Variants in ITIH5 observed in about 807,000 individuals in gnomAD.
The protein encoded by ITIH5 is inter-alpha-trypsin inhibitor heavy chain H5.
Under a neutral mutation model 77.5 loss-of-function variants are expected in ITIH5, and 65 were observed. The observed-to-expected ratio is 0.84, with a 90% CI of 0.69 to 1.03. The LOEUF (loss-of-function observed/expected upper bound fraction) is 1.03. ITIH5 is among the 50% of genes least tolerant of loss of function. The pLI is 0.00. For missense variants in ITIH5, 1,208 were observed against 1,213.1 expected (o/e 1.00, Z 0.06); for synonymous variants, 525 against 494.3 (o/e 1.06, Z -0.82).
intron 13 of ITIH5, 91 bp downstream of exon 13, chr10:7,565,939 A>C: frequency 2.0e-6 from 3 of 1,502,246 alleles, no homozygotes; most frequent in Non-Finnish European, 2.7e-6. Flanking sequence ...TGAATTTCTC[A>C]ATCAAACGAA....
intron 11 of ITIH5, chr10:7,572,440 C>T: frequency 1.5e-6 from 2 of 1,348,250 alleles, no homozygotes; most frequent in Non-Finnish European, 2.0e-6. Context: ...CCTGTCACAC[C>T]AGACATTTTT....
chr10:7,664,866 A>G (rs1367377035), intron 1 of ITIH5, among the ~76,000 whole-genome samples: 1 of 152,230 alleles, frequency 6.6e-6, no homozygotes, highest in African/African-American at 2.4e-5. Flanking sequence ...AAGTATATTA[A>G]TTGTTTCACT....
In ITIH5 at chr10:7,637,315, C is replaced by T. The variant is rs370984439; in HGVS notation, c.565G>A (p.Val189Met). The T allele has an allele frequency of 2.4e-5, 39 of 1,613,848 alleles. No individual in the cohort carries two copies. The highest frequency in any genetic ancestry group is 3.1e-5 in the Non-Finnish European group (36 of 1,180,038). Residue 189 changes from valine (V) to methionine (M), a missense_variant, in exon 5 of 14, where the codon GTG (valine) becomes ATG (methionine). Physicochemically the swap from Val to Met is conservative, Grantham distance 21 (BLOSUM62 1). Transcript: ENST00000397146. ...ATGCCCGCGCTCTCCAGGATATTCA[C>T]GTCCACGCTCAGCCTCCCGGACAGC... Reference protein sequence around the residue: ...QQLSGRLSVDVNILESAGIAS... With the variant: ...QQLSGRLSVDMNILESAGIAS...
intron 5 of ITIH5, among the ~76,000 whole-genome samples, chr10:7,629,979 T>C (rs1833687064): frequency 6.6e-6 from 1 of 152,222 alleles, no homozygotes; most frequent in African/African-American, 2.4e-5. Flanking sequence ...TTGGGGGGGC[T>C]ACGGAGCTGT....
intron 2 of ITIH5, among the ~76,000 whole-genome samples, chr10:7,654,278 A>G (rs763931196): frequency 1.3e-5 from 2 of 152,222 alleles, no homozygotes; most frequent in Non-Finnish European, 2.9e-5. Flanking sequence ...GGCACTTGTC[A>G]TCATCTCAAT....
At position 7,613,264 on chromosome 10, in the gene ITIH5, A is replaced by T. The variant is rs1020948563; in HGVS notation, c.939+2718T>A. Among the ~76,000 whole-genome samples the T allele has an allele frequency of 1.4e-4, 13 of 92,036 alleles. No individual in the cohort carries two copies. In the East Asian group the frequency reaches 2.1e-3, roughly 15 times the overall value. 60.4% of individuals were successfully genotyped at this position (92,036 alleles called of 152,430 possible). A position where few individuals can be genotyped will look rare whatever the true frequency, so the allele number is the denominator to read the frequency against. ...TCGTCTCAAAAAAAAAAAAAAAAAA[A>T]AAAAAAGAACTTGTAGCCCATAATG... On this transcript the variant is annotated intron_variant, in intron 7 of 13. Coordinates refer to ENST00000397146, the MANE Select transcript of ITIH5 (RefSeq NM_030569.7).
chr10:7,652,720 A>G (rs1834121274), intron 2 of ITIH5, among the ~76,000 whole-genome samples: 1 of 152,192 alleles, frequency 6.6e-6, no homozygotes, highest in African/African-American at 2.4e-5. Flanking sequence ...CTTATTACTT[A>G]GGAACTGAGC....
intron 7 of ITIH5, among the ~76,000 whole-genome samples, chr10:7,596,494 T>C (rs1042838829): frequency 6.6e-6 from 1 of 152,186 alleles, no homozygotes; most frequent in Non-Finnish European, 1.5e-5. Context: ...CAAAAGGCTC[T>C]TGTGCCACAA....
chr10:7,629,495 G>A (rs530544113), intron 5 of ITIH5, among the ~76,000 whole-genome samples: 6 of 150,434 alleles, frequency 4.0e-5, no homozygotes, highest in South Asian at 2.1e-4. Context: ...ATGTTGTAGC[G>A]TGTGTCCATG....
At chr10:7,631,490 C>A (rs990601241) in intron 5 of ITIH5, among the ~76,000 whole-genome samples, 1 of 145,368 alleles carries the variant, frequency 6.9e-6, no homozygotes, top group African/African-American at 2.7e-5. Flanking sequence ...CCTGAACAAT[C>A]ATGCTTTTCT....
At chr10:7,623,868 A>G (rs1833515493) in intron 5 of ITIH5, among the ~76,000 whole-genome samples, 1 of 152,102 alleles carries the variant, frequency 6.6e-6, no homozygotes. Flanking sequence ...CCTTTGGGAA[A>G]GGATTTTTCT....
At chr10:7,648,737 T>C (rs1297790932) in intron 2 of ITIH5, among the ~76,000 whole-genome samples, 1 of 152,208 alleles carries the variant, frequency 6.6e-6, no homozygotes, top group Non-Finnish European at 1.5e-5. Flanking sequence ...ATTTATGAGA[T>C]AAGAAATAAT....
chr10:7,659,174 C>T (rs1255225248), intron 1 of ITIH5, among the ~76,000 whole-genome samples: 2 of 151,988 alleles, frequency 1.3e-5, no homozygotes, highest in East Asian at 1.9e-4. Context: ...GTCAAGAGTT[C>T]GAAACCAACC....
chr10:7,661,186 A>G (rs1268210300), intron 1 of ITIH5, among the ~76,000 whole-genome samples: 1 of 152,220 alleles, frequency 6.6e-6, no homozygotes, highest in African/African-American at 2.4e-5. Context: ...CATTCCGTGG[A>G]AAACTTGTCT....
intron 5 of ITIH5, among the ~76,000 whole-genome samples, chr10:7,635,473 T>C (rs1833784420): frequency 6.6e-6 from 1 of 152,210 alleles, no homozygotes. Flanking sequence ...AATGGTGTAT[T>C]GGATCTCATG....
intron 7 of ITIH5, among the ~76,000 whole-genome samples, chr10:7,606,453 C>A (rs1245845514): frequency 6.6e-5 from 10 of 152,144 alleles, no homozygotes; most frequent in Admixed American, 6.5e-4. Flanking sequence ...TCCTTTGGAG[C>A]AACATGGATG....
chr10:7,576,365 C>G, intron 10 of ITIH5, 88 bp downstream of exon 10: 1 of 1,174,090 alleles, frequency 8.5e-7, no homozygotes, highest in Non-Finnish European at 1.2e-6. Flanking sequence ...TGGAATAACA[C>G]AGCTTCCTGC....
chr10:7,658,891 A>G (rs1296073640), intron 1 of ITIH5, among the ~76,000 whole-genome samples: 1 of 152,096 alleles, frequency 6.6e-6, no homozygotes, highest in Non-Finnish European at 1.5e-5. Flanking sequence ...CTGGAGGGGT[A>G]CAAGGAGGCA....
At chr10:7,614,440 T>C (rs933092297) in intron 7 of ITIH5, among the ~76,000 whole-genome samples, 4 of 152,192 alleles carry the variant, frequency 2.6e-5, no homozygotes, top group Admixed American at 2.6e-4. Context: ...CCCAACACAA[T>C]TTCATAAACT....
Sources: gnomAD v4.1 joint callset for allele counts (sites outside exome capture counted in the v4.1 genomes callset) on GRCh38, gnomAD v4.1.1 for gene constraint, MANE v1.5 for transcripts, NCBI Gene and HGNC (gene_info 2026-07-23, HGNC 2026-07-21) for gene names.